The following PLAT variants were observed in gnomAD, a reference collection of about 807,000 sequenced individuals.
PLAT encodes tissue-type plasminogen activator.
In PLAT, 48 loss-of-function variants were observed where a neutral mutation model predicts 74.9. The observed-to-expected ratio is 0.64, with a 90% CI of 0.51 to 0.82. The LOEUF (loss-of-function observed/expected upper bound fraction) is 0.82. Among genes scored for constraint, PLAT ranks in the 40% least tolerant of loss-of-function variants. The pLI is 0.00. For synonymous variants in PLAT, 307 were observed against 294.4 expected (o/e 1.04, Z -0.44); for missense variants, 673 against 736.2 (o/e 0.91, Z 0.99).
At chr8:42,185,259 G>C (rs1805408560) in intron 6 of PLAT, 87 bp from the exon 7 acceptor site, 1 of 719,910 alleles carries the variant, frequency 1.4e-6, no homozygotes, top group East Asian at 2.8e-5. Flanking sequence ...TCCTTTTCTG[G>C]AGGAATGGGG....
At chr8:42,187,321 G>A in intron 6 of PLAT, 77 bp downstream of exon 6, 1 of 1,319,028 alleles carries the variant, frequency 7.6e-7, no homozygotes, top group Non-Finnish European at 1.0e-6. Flanking sequence ...GGAGAACCCT[G>A]ACGGATCTGA....
intron 1 of PLAT, among the ~76,000 whole-genome samples, chr8:42,199,837 A>C (rs1050353648): frequency 1.3e-5 from 2 of 152,266 alleles, no homozygotes; most frequent in African/African-American, 4.8e-5. Flanking sequence ...CAAGCCCTGA[A>C]ATCTAAAGTG....
At chr8:42,187,808 C>T in intron 5 of PLAT, 98 bp downstream of exon 5, 1 of 910,466 alleles carries the variant, frequency 1.1e-6, no homozygotes, top group East Asian at 2.4e-5. Context: ...CTGGCCCCCA[C>T]CCCTGGCCCT....
chr8:42,189,179 A>C, intron 3 of PLAT, 108 bp from the exon 4 acceptor site: 1 of 1,069,082 alleles, frequency 9.4e-7, no homozygotes, highest in Non-Finnish European at 1.4e-6. Context: ...TATAGACTCC[A>C]TTGCATACTC....
At chr8:42,177,166 AG>A (rs1316964434) in intron 13 of PLAT, among the ~76,000 whole-genome samples, 1 of 152,222 alleles carries the variant, frequency 6.6e-6, no homozygotes, top group African/African-American at 2.4e-5. Flanking sequence ...CATGGTGGCC[AG>A]GCTGGTCTCG....
intron 1 of PLAT, 31 bp from the exon 2 acceptor site, chr8:42,193,242 G>A (rs952562513): frequency 4.9e-6 from 7 of 1,428,712 alleles, no homozygotes; most frequent in East Asian, 2.3e-5. Context: ...GCTTGATCAC[G>A]GGGTGCGAGA....
rs369709932 is a variant in PLAT at position 42,187,431 on chromosome 8, A to T, written c.506T>A (p.Ile169Asn). The T allele has an allele frequency of 1.5e-4, 240 of 1,598,850 alleles. 2 individuals carry two copies. Among genetic ancestry groups the T allele is most frequent in the South Asian group, 1.2e-3 (107 of 90,680 alleles). The change falls in exon 6 of 14, where the codon ATC becomes AAC. Residue 169 changes from isoleucine to asparagine, a missense_variant. Ile to Asn is a moderately radical substitution (Grantham distance 149, BLOSUM62 -3). Transcript: ENST00000220809. ...KPYSGRRPDA[I>N]RLGLGNHNYC... ...GTTGTGGTTCCCCAGGCCCAGCCTGATGGCGTCTGGCCTCCGCCCGCTGTA... is the reference window on the plus strand; with the variant it reads ...GTTGTGGTTCCCCAGGCCCAGCCTGTTGGCGTCTGGCCTCCGCCCGCTGTA...
At chr8:42,205,255 G>A in intron 1 of PLAT, among the ~76,000 whole-genome samples, 1 of 152,236 alleles carries the variant, frequency 6.6e-6, no homozygotes. Context: ...GGCCAGGCAT[G>A]TTGGCTCATG....
intron 13 of PLAT, 25 bp from the exon 14 acceptor site, chr8:42,176,176 C>T (rs1450245842): frequency 6.3e-6 from 10 of 1,589,310 alleles, no homozygotes; most frequent in African/African-American, 1.4e-5. Context: ...GCAGGTTTGG[C>T]GTTTGCAAAA....
chr8:42,187,888 G>T lies in PLAT; in HGVS notation c.364+18C>A, dbSNP rs750961152. 8 of 1,478,444 alleles carry T rather than the reference G, an allele frequency of 5.4e-6. No individual in the cohort carries two copies. In the Admixed American group the frequency reaches 1.0e-4, roughly 19 times the overall value. 91.6% of individuals were successfully genotyped at this position (1,478,444 alleles called of 1,614,324 possible). On this transcript the variant is annotated intron_variant, in intron 5 of 13. Transcript: ENST00000220809. ...GAGGTGGGATTTCAGCTCGTTTCAC[G>T]TGCTCTCACCTACTCACCTATTTCA...
At chr8:42,197,677 T>A (rs1587943131) in intron 1 of PLAT, among the ~76,000 whole-genome samples, 1 of 152,188 alleles carries the variant, frequency 6.6e-6, no homozygotes, top group Non-Finnish European at 1.5e-5. Context: ...CAGGGGAAAG[T>A]CAGTGGGGTG....
In PLAT at chr8:42,189,726, G is replaced by A. The variant is rs1193458042; in HGVS notation, c.116-655C>T. Among the ~76,000 whole-genome samples, 12 of 150,822 alleles carry A rather than the reference G, an allele frequency of 8.0e-5. No individual in the cohort carries two copies. In the South Asian group the frequency reaches 2.3e-3, roughly 29 times the overall value. On this transcript the variant is annotated intron_variant, in intron 3 of 13. Transcript: ENST00000220809. Reference sequence around the variant, plus strand: ...TGATTCTCCTGCCTCAGCCTCCCGAGTAGCTGGGATTACAGGTGCCCGATA... The same window carrying A: ...TGATTCTCCTGCCTCAGCCTCCCGAATAGCTGGGATTACAGGTGCCCGATA...
At chr8:42,192,681 G>A (rs8178728) in intron 2 of PLAT, among the ~76,000 whole-genome samples, 1,557 of 152,286 alleles carry the variant, frequency 0.01, 27 homozygotes, top group African/African-American at 0.036. Context: ...GGTGTGCATA[G>A]GATATGCAAA....
intron 1 of PLAT, chr8:42,193,847 C>A (rs1383668071): frequency 6.6e-6 from 1 of 152,022 alleles, no homozygotes; most frequent in Non-Finnish European, 1.5e-5. Context: ...TCCTGAGTAG[C>A]TGGGACTACA....
At chr8:42,184,048 C>A (rs1301338487) in intron 7 of PLAT, among the ~76,000 whole-genome samples, 1 of 151,830 alleles carries the variant, frequency 6.6e-6, no homozygotes, top group Non-Finnish European at 1.5e-5. Flanking sequence ...TCAAGCGATC[C>A]TCCCACCTGA....
chr8:42,176,418 C>T lies in PLAT; in HGVS notation c.1531-267G>A, dbSNP rs896483598. 3.3e-5 allele frequency among the ~76,000 whole-genome samples: 5 copies of T among 152,198 alleles called. No individual in the cohort carries two copies. The South Asian group carries it at 6.2e-4, about 19-fold the overall frequency. ...ATTAAGCCAACTGAGGATGTATCTA[C>T]GTGGGCCCAGTCTGAGTGAGTGTGG... is the stretch of plus-strand genomic sequence containing the variant. On this transcript the variant is annotated intron_variant, in intron 13 of 13. Transcript: ENST00000220809.
chr8:42,188,813 G>A (rs545001192), intron 4 of PLAT, 121 bp downstream of exon 4: 2 of 775,946 alleles, frequency 2.6e-6, no homozygotes, highest in East Asian at 2.5e-5. Context: ...TGTAGAGACA[G>A]GGGACTTGCT....
In PLAT at chr8:42,180,184, G is replaced by A. The variant is rs1370278450; in HGVS notation, c.1222+58C>T. ...CCCGTGTGTGTAAACATAGGTGAGT[G>A]CATGTGGGTGTGTTGTGTGATCTGT... is the stretch of plus-strand genomic sequence containing the variant. On this transcript the variant is annotated intron_variant, in intron 11 of 13. Coordinates refer to ENST00000220809, the MANE Select transcript of PLAT (RefSeq NM_000930.5). 3 of 1,605,864 alleles carry A rather than the reference G, an allele frequency of 1.9e-6. No individual in the cohort carries two copies. The African/African-American group carries it at 4.0e-5, about 21-fold the overall frequency.
rs115966301 is a variant in PLAT, at chr8:42,176,050, A to C, written c.1632T>G (p.Gly544=). Residue 544 remains glycine, a synonymous_variant, in exon 14 of 14, where the codon GGT becomes GGG. Transcript: ENST00000220809. ...GGTAGTTGGTAACCTTGGTGTACAC[A>C]CCCGGGACATCCTTCTGTCCACAGC... The part of the protein sequence containing the change: ...GLGCGQKDVP[G]VYTKVTNYLD... 1 of 1,613,914 alleles carries C rather than the reference A, an allele frequency of 6.2e-7. No homozygotes were observed. The highest frequency in any genetic ancestry group is 1.3e-5 in the African/African-American group (1 of 74,882).
Sources: allele counts gnomAD v4.1 joint callset (sites outside exome capture counted in the v4.1 genomes callset), GRCh38; gene constraint gnomAD v4.1.1; transcripts MANE v1.5; gene names NCBI Gene and HGNC (gene_info 2026-07-23, HGNC 2026-07-21).